The following MECOM variants were observed in gnomAD, a reference collection of about 807,000 sequenced individuals.
MECOM encodes histone-lysine N-methyltransferase MECOM.
A neutral mutation model predicts 116.3 loss-of-function variants in MECOM; 13 were observed. The observed-to-expected ratio is 0.11, with a 90% CI of 0.07 to 0.18. MECOM has a LOEUF of 0.18. Ranked by LOEUF, MECOM falls within the 10% of genes least tolerant of loss-of-function variation. The pLI is 1.00. For synonymous variants in MECOM, 528 were observed against 535.2 expected (o/e 0.99, Z 0.19); for missense variants, 1,299 against 1,509.0 (o/e 0.86, Z 2.31).
At chr3:169,450,049 T>C (rs147471898) in intron 1 of MECOM, among the ~76,000 whole-genome samples, 1 of 152,328 alleles carries the variant, frequency 6.6e-6, no homozygotes, top group East Asian at 1.9e-4. Context: ...ACTCATAATT[T>C]GGACAAGAGC....
intron 1 of MECOM, among the ~76,000 whole-genome samples, chr3:169,578,769 A>G (rs1470487622): frequency 6.6e-6 from 1 of 152,236 alleles, no homozygotes; most frequent in Non-Finnish European, 1.5e-5. Context: ...CGTACACAAA[A>G]GGGTATACTC....
rs778470697 is a variant in MECOM, at chr3:169,090,007, G to C, written c.3394C>G (p.Pro1132Ala). Residue 1132 changes from proline (P) to alanine (A), a missense_variant, in exon 15 of 17, where the codon CCA becomes GCA. By Grantham distance (27) the Pro-to-Ala change is conservative (BLOSUM62 -1). Transcript: ENST00000651503. Reference protein sequence around the residue: ...SALEMSCKTSPVRYKEEEYKS... With the variant: ...SALEMSCKTSAVRYKEEEYKS... Reference sequence around the variant, plus strand: ...GTCACCCAAGGTACTCACCTCACTGGGGATGTCTTGCAACTCATCTCCAGG... The same window carrying C: ...GTCACCCAAGGTACTCACCTCACTGCGGATGTCTTGCAACTCATCTCCAGG... The C allele has an allele frequency of 1.9e-6, 3 of 1,612,808 alleles. No homozygotes were observed. Among genetic ancestry groups the C allele is most frequent in the Non-Finnish European group, 2.5e-6 (3 of 1,179,368 alleles).
At chr3:169,542,471 G>C (rs1024444398) in intron 1 of MECOM, among the ~76,000 whole-genome samples, 1 of 152,208 alleles carries the variant, frequency 6.6e-6, no homozygotes. Context: ...GCCAATTTCA[G>C]TGCTTTTCTT....
chr3:169,203,831 A>G (rs1749530214), intron 2 of MECOM, among the ~76,000 whole-genome samples: 1 of 152,182 alleles, frequency 6.6e-6, no homozygotes, highest in African/African-American at 2.4e-5. Flanking sequence ...GAAAGACTGA[A>G]ATGAATACAT....
intron 1 of MECOM, among the ~76,000 whole-genome samples, chr3:169,493,823 C>T (rs1229491560): frequency 6.6e-6 from 1 of 152,030 alleles, no homozygotes; most frequent in Non-Finnish European, 1.5e-5. Context: ...AGATAAAGGG[C>T]AGGAGAGTCT....
chr3:169,272,480 T>C (rs1222910940), intron 2 of MECOM, among the ~76,000 whole-genome samples: 1 of 152,022 alleles, frequency 6.6e-6, no homozygotes, highest in African/African-American at 2.4e-5. Context: ...GTAAAAGAAA[T>C]AGGGGCAGAA....
chr3:169,280,622 A>G (rs769387994), intron 2 of MECOM, among the ~76,000 whole-genome samples: 3 of 152,224 alleles, frequency 2.0e-5, no homozygotes, highest in Non-Finnish European at 4.4e-5. Context: ...GCCACAGTGT[A>G]GGCTGTAGCT....
intron 2 of MECOM, among the ~76,000 whole-genome samples, chr3:169,335,705 T>C (rs1723485159): frequency 6.6e-6 from 1 of 152,176 alleles, no homozygotes; most frequent in South Asian, 2.1e-4. Flanking sequence ...ATGTATTCAT[T>C]ATTTATGTTT....
intron 2 of MECOM, among the ~76,000 whole-genome samples, chr3:169,158,194 C>T (rs574437933): frequency 1.3e-4 from 20 of 152,278 alleles, no homozygotes; most frequent in Non-Finnish European, 2.1e-4. Flanking sequence ...TGGTGGTTGT[C>T]GTCCCTGGAG....
intron 1 of MECOM, among the ~76,000 whole-genome samples, chr3:169,523,282 G>A (rs570180723): frequency 6.6e-6 from 1 of 152,112 alleles, no homozygotes. Flanking sequence ...CCCTTCTGGG[G>A]CCTATAAAGA....
At chr3:169,482,666 G>T (rs980434731) in intron 1 of MECOM, among the ~76,000 whole-genome samples, 5 of 152,096 alleles carry the variant, frequency 3.3e-5, no homozygotes, top group African/African-American at 9.7e-5. Context: ...GTCATGCATC[G>T]AGAAGTCAGT....
chr3:169,416,602 A>T (rs559578607), intron 1 of MECOM, among the ~76,000 whole-genome samples: 73 of 151,804 alleles, frequency 4.8e-4, no homozygotes, highest in Non-Finnish European at 7.5e-4. Context: ...GTTTTTTTTT[A>T]AAAAAGGATG....
At chr3:169,426,852 T>C (rs144787910) in intron 1 of MECOM, among the ~76,000 whole-genome samples, 1 of 152,292 alleles carries the variant, frequency 6.6e-6, no homozygotes, top group Non-Finnish European at 1.5e-5. Flanking sequence ...ACAGAGAATG[T>C]AGGAGGAAGA....
chr3:169,632,820 G>A (rs1453998459), intron 1 of MECOM, among the ~76,000 whole-genome samples: 1 of 152,178 alleles, frequency 6.6e-6, no homozygotes, highest in Non-Finnish European at 1.5e-5. Context: ...GGCCCTATCT[G>A]AACAAAGGTT....
chr3:169,400,581 T>C (rs1161322702), intron 1 of MECOM, among the ~76,000 whole-genome samples: 1 of 152,190 alleles, frequency 6.6e-6, no homozygotes, highest in Admixed American at 6.5e-5. Context: ...TATGTTTCTG[T>C]GATGGATTAA....
intron 10 of MECOM, among the ~76,000 whole-genome samples, chr3:169,102,697 C>T (rs73166200): frequency 0.011 from 1,704 of 152,148 alleles, 18 homozygotes; most frequent in Non-Finnish European, 0.017. Context: ...TGAAGTATTA[C>T]AGAATTACAG....
chr3:169,550,846 C>T (rs1761298869), intron 1 of MECOM, among the ~76,000 whole-genome samples: 1 of 68,868 alleles, frequency 1.5e-5, no homozygotes, highest in African/African-American at 4.7e-5. Context: ...TTTTTTGAGA[C>T]GGAGTCTCGC....
At chr3:169,493,721 T>C (rs1753431696) in intron 1 of MECOM, among the ~76,000 whole-genome samples, 2 of 152,052 alleles carry the variant, frequency 1.3e-5, no homozygotes, top group South Asian at 2.1e-4. Flanking sequence ...CCTGACACTT[T>C]ATGAATAGGG....
intron 2 of MECOM, chr3:169,146,514 C>A: frequency 7.2e-7 from 1 of 1,379,910 alleles, no homozygotes; most frequent in Non-Finnish European, 9.6e-7. Context: ...CGTGTCCAGA[C>A]CGCACCGTTT....
Sources: allele counts gnomAD v4.1 joint callset (sites outside exome capture counted in the v4.1 genomes callset), GRCh38; gene constraint gnomAD v4.1.1; transcripts MANE v1.5; gene names NCBI Gene and HGNC (gene_info 2026-07-23, HGNC 2026-07-21).